CAMKK1: variants seen among roughly 807,000 people sequenced by gnomAD.
CAMKK1 encodes calcium/calmodulin dependent protein kinase kinase 1.
In CAMKK1, 20 loss-of-function variants were observed where a neutral mutation model predicts 63.5. That is an observed-to-expected ratio of 0.32 (90% CI 0.22 to 0.46). The LOEUF (loss-of-function observed/expected upper bound fraction) is 0.46, where lower values mean the gene tolerates loss of function less well. Among genes scored for constraint, CAMKK1 ranks in the 20% least tolerant of loss-of-function variants. CAMKK1 has a pLI of 1.00. For synonymous variants in CAMKK1, 253 were observed against 269.0 expected (o/e 0.94, Z 0.58); for missense variants, 588 against 658.1 (o/e 0.89, Z 1.17).
chr17:3,878,321 ACCGTT>A (rs1295971252), intron 9 of CAMKK1, among the ~76,000 whole-genome samples: 1 of 152,108 alleles, frequency 6.6e-6, no homozygotes, highest in Non-Finnish European at 1.5e-5. Context: ...CCTGGCGCTA[ACCGTT>A]CTGCCCCAGG....
Position 3,885,409 on chromosome 17 carries a change from C to T in CAMKK1, c.279G>A (p.Thr93=), listed in dbSNP as rs116831544. The part of the protein sequence containing the change: ...YLEAQAGPYA[T]GPASHISPRA... The stretch of plus-strand genomic sequence containing the variant: ...GGGGGGAGATGTGGCTGGCAGGCCC[C>T]GTGGCATAAGGCCCAGCCTGCGCCT... Residue 93 remains threonine (T), a synonymous_variant, in exon 2 of 16, where the codon ACG becomes ACA. Transcript: ENST00000348335. 503 of 1,611,914 alleles carry T rather than the reference C, an allele frequency of 3.1e-4. 3 individuals carry two copies. The African/African-American group carries it at 6.0e-3, about 19-fold the overall frequency.
At chr17:3,873,302 G>A in intron 11 of CAMKK1, 107 bp downstream of exon 11, 1 of 925,994 alleles carries the variant, frequency 1.1e-6, no homozygotes, top group Non-Finnish European at 1.7e-6. Flanking sequence ...TGAGCCAGGT[G>A]GGCTCTTTCA....
rs62071690 is a variant in CAMKK1 at position 3,887,127 on chromosome 17, A to G, written c.-43-1397T>C. Among the ~76,000 whole-genome samples, 24,811 of 151,990 alleles carry G rather than the reference A, an allele frequency of 0.16. 2,127 individuals carry two copies. Among genetic ancestry groups the G allele is most frequent in the Middle Eastern group, 0.18 (54 of 294 alleles). On this transcript the variant is annotated intron_variant, in intron 1 of 15. Coordinates refer to ENST00000348335, the MANE Select transcript of CAMKK1 (RefSeq NM_032294.3). The surrounding 1 kb of genome is among the most constrained non-coding windows in gnomAD (Gnocchi z 6.1). ...GTCCACCGGCCACTGAGGAGCCAGG[A>G]CTGGGTTCCAGTCCTGCCTGCTGAC...
At chr17:3,875,977 C>T (rs1031133970) in intron 10 of CAMKK1, among the ~76,000 whole-genome samples, 9 of 152,196 alleles carry the variant, frequency 5.9e-5, no homozygotes, top group African/African-American at 1.9e-4. Context: ...GCCTCTTCCA[C>T]AGTCCAGTCC....
chr17:3,890,247 G>A lies in CAMKK1; in HGVS notation c.-44+2692C>T, dbSNP rs190299127. Among the ~76,000 whole-genome samples, 22 of 152,276 alleles carry A rather than the reference G, an allele frequency of 1.4e-4. No individual in the cohort carries two copies. In the East Asian group the frequency reaches 4.2e-3, roughly 29 times the overall value. ...CCCCTTGAGGGAGGCCCAGGCGTCT[G>A]GTGCCAAGTCATGCTTGACGACTCC... On this transcript the variant is annotated intron_variant, in intron 1 of 15. Coordinates refer to ENST00000348335, the MANE Select transcript of CAMKK1 (RefSeq NM_032294.3). The surrounding 1 kb of genome is among the most constrained non-coding windows in gnomAD (Gnocchi z 6.5).
chr17:3,881,807 C>T (rs756248816), intron 7 of CAMKK1, 159 bp from the exon 8 acceptor site: 49 of 667,146 alleles, frequency 7.3e-5, no homozygotes, highest in Admixed American at 1.6e-4. Flanking sequence ...CAAATAAATG[C>T]ATGAGAGTGG....
intron 7 of CAMKK1, chr17:3,881,898 G>T: frequency 1.8e-6 from 1 of 550,944 alleles, no homozygotes; most frequent in Non-Finnish European, 3.2e-6. Context: ...CTTTTACAGA[G>T]GGGGAAACTG....
intron 1 of CAMKK1, among the ~76,000 whole-genome samples, chr17:3,891,797 C>A (rs2055912676): frequency 6.6e-6 from 1 of 152,110 alleles, no homozygotes; most frequent in Admixed American, 6.6e-5. Flanking sequence ...CATTTCCTGG[C>A]TGGGACTCCG....
At position 3,884,779 on chromosome 17, in the gene CAMKK1, A is replaced by T. The variant is rs1432924719; in HGVS notation, c.361-352T>A. On this transcript the variant is annotated intron_variant, in intron 2 of 15. Transcript: ENST00000348335. This position sits in a 1 kb window ranked among gnomAD's most constrained non-coding sequence, Gnocchi z 4.5. ...TATTTCCAGAAGCAGCTGAATGAGA[A>T]GGTCTAGACTCCAAGGACAAGATGA... is the stretch of plus-strand genomic sequence containing the variant. Among the ~76,000 whole-genome samples the T allele has an allele frequency of 3.9e-5, 6 of 152,218 alleles. No individual in the cohort carries two copies. The highest frequency in any genetic ancestry group is 1.3e-4 in the Admixed American group (2 of 15,286).
At chr17:3,877,733 C>T (rs989019810) in intron 9 of CAMKK1, among the ~76,000 whole-genome samples, 13 of 152,304 alleles carry the variant, frequency 8.5e-5, no homozygotes, top group African/African-American at 3.1e-4. Flanking sequence ...ACACACCCTT[C>T]AGGGCACAGA....
intron 15 of CAMKK1, 107 bp downstream of exon 15, chr17:3,865,801 C>T: frequency 1.3e-6 from 2 of 1,538,568 alleles, no homozygotes; most frequent in Non-Finnish European, 8.8e-7. Context: ...GCCAAGTCCC[C>T]AGGCTCTGGC....
rs2055564558 is a variant in CAMKK1 at position 3,884,622 on chromosome 17, T to A, written c.361-195A>T. On this transcript the variant is annotated intron_variant, in intron 2 of 15. Coordinates refer to ENST00000348335, the MANE Select transcript of CAMKK1 (RefSeq NM_032294.3). The surrounding 1 kb of genome is among the most constrained non-coding windows in gnomAD (Gnocchi z 4.5). ...GTATGTGACGAGAAGACGTGGCTCA[T>A]GTTTGAAAACATGGATGGTGACGCC... Among the ~76,000 whole-genome samples, 1 of 152,228 alleles carries A rather than the reference T, an allele frequency of 6.6e-6. No homozygotes were observed. The highest frequency in any genetic ancestry group is 2.4e-5 in the African/African-American group (1 of 41,454).
rs987828308 is a variant in CAMKK1, at chr17:3,882,932, T to A, written c.648+110A>T. ...CCTGTCCTCAGAGGCCTCAGCCACATCTGCCACCTGGGCAAGATCCCTGGG... is the reference window on the plus strand; with the variant it reads ...CCTGTCCTCAGAGGCCTCAGCCACAACTGCCACCTGGGCAAGATCCCTGGG... On this transcript the variant is annotated intron_variant, in intron 6 of 15. Transcript: ENST00000348335. The surrounding 1 kb of genome is among the most constrained non-coding windows in gnomAD (Gnocchi z 4.3). 20 of 1,433,138 alleles carry A rather than the reference T, an allele frequency of 1.4e-5. No individual in the cohort carries two copies. Among genetic ancestry groups the A allele is most frequent in the Non-Finnish European group, 1.5e-5 (16 of 1,054,066 alleles). The allele number at this position is 1,433,138 out of a possible 1,614,324, so 88.8% of individuals were successfully genotyped here.
chr17:3,865,714 G>A (rs750407973), intron 15 of CAMKK1, 194 bp downstream of exon 15: 3 of 1,422,692 alleles, frequency 2.1e-6, no homozygotes, highest in East Asian at 5.1e-5. Context: ...TGAAGCAAGA[G>A]CTGGGCCCAA....
chr17:3,867,675 G>T (rs994162677), intron 14 of CAMKK1, among the ~76,000 whole-genome samples: 1 of 152,120 alleles, frequency 6.6e-6, no homozygotes, highest in South Asian at 2.1e-4. Context: ...TAGGGGGCAG[G>T]GATTGAGCCA....
Position 3,862,116 on chromosome 17 carries a change from C to T in CAMKK1, c.*95G>A. The T allele has an allele frequency of 3.9e-6, 4 of 1,025,112 alleles. No homozygotes were observed. The highest frequency in any genetic ancestry group is 1.6e-5 in the African/African-American group (1 of 63,412). 63.5% of individuals were successfully genotyped at this position (1,025,112 alleles called of 1,614,324 possible). On this transcript the variant is annotated 3_prime_UTR_variant, in exon 16 of 16. Transcript: ENST00000348335. This position sits in a 1 kb window ranked among gnomAD's most constrained non-coding sequence, Gnocchi z 4.1. ...GCGGGAGTGGGGCTGCAGTCCCCAG[C>T]CCCCTGCCTGCGGGGGCGGCTGTTG...
Position 3,884,253 on chromosome 17 carries a change from A to G in CAMKK1, c.408+127T>C. 9.5e-7 allele frequency: 1 copy of G among 1,047,524 alleles called. No homozygotes were observed. Among genetic ancestry groups the G allele is most frequent in the Non-Finnish European group, 1.5e-6 (1 of 687,516 alleles). 64.9% of individuals were successfully genotyped at this position (1,047,524 alleles called of 1,614,324 possible). ...ACCTGGGTACTTCCCACAGGGCACG[A>G]AACTGTCCTCACCTCCAGGCTAGGA... On this transcript the variant is annotated intron_variant, in intron 3 of 15. Transcript: ENST00000348335. This position sits in a 1 kb window ranked among gnomAD's most constrained non-coding sequence, Gnocchi z 4.5.
chr17:3,885,214 G>T, intron 2 of CAMKK1, 114 bp downstream of exon 2: 1 of 1,228,558 alleles, frequency 8.1e-7, no homozygotes, highest in Non-Finnish European at 1.1e-6. Flanking sequence ...CCCCAGCTCT[G>T]AGGGTATGCA....
rs1325868830 is a variant in CAMKK1, at chr17:3,865,918, T to G, written c.1435A>C (p.Asn479His). The G allele has an allele frequency of 6.2e-7, 1 of 1,614,108 alleles. No homozygotes were observed. Among genetic ancestry groups the G allele is most frequent in the Non-Finnish European group, 8.5e-7 (1 of 1,180,002 alleles). ...CCCACCAGTACTTACACCAGTAGGT[T>G]TCCTGGAGCAGACATGGATCGCTCT... Reference protein sequence around the residue: ...REERSMSAPGNLLVKEGFGEG... With the variant: ...REERSMSAPGHLLVKEGFGEG... Residue 479 changes from asparagine to histidine, a missense_variant, in exon 15 of 16, where the codon AAC becomes CAC. Asn to His is a moderately conservative substitution (Grantham distance 68). This residue lies in a region of CAMKK1 where 226 missense variants were observed against 229.2 expected (regional missense o/e 0.99). Coordinates refer to ENST00000348335, the MANE Select transcript of CAMKK1 (RefSeq NM_032294.3).
Sources: gnomAD v4.1 joint callset for allele counts (sites outside exome capture counted in the v4.1 genomes callset) on GRCh38, gnomAD v4.1.1 for gene constraint, gnomAD v4.1.1 regional missense constraint, Gnocchi (gnomAD v3.1) non-coding constraint, MANE v1.5 for transcripts, NCBI Gene and HGNC (gene_info 2026-07-23, HGNC 2026-07-21) for gene names.